Variants in RBBP8 observed in about 807,000 individuals in gnomAD.
The protein encoded by RBBP8 is DNA endonuclease RBBP8.
Under a neutral mutation model 108.3 loss-of-function variants are expected in RBBP8, and 88 were observed. That is an observed-to-expected ratio of 0.81 (90% confidence interval 0.68 to 0.97). The LOEUF (loss-of-function observed/expected upper bound fraction) is 0.97. RBBP8 is among the 50% of genes least tolerant of loss of function. The probability of loss-of-function intolerance (pLI) is 0.00; values close to 1 mark genes in which losing one functional copy is unlikely to be tolerated. For missense variants in RBBP8, 1,023 were observed against 1,049.0 expected (o/e 0.98, Z 0.34); for synonymous variants, 332 against 348.2 (o/e 0.95, Z 0.52).
At chr18:22,929,483 T>TGTGTGG (rs1909917032), upstream of RBBP8, 1 of 7,704 alleles carries the variant, frequency 1.3e-4, no homozygotes, top group Non-Finnish European at 2.3e-4. Context: ...TGTGTGTGTG[T>TGTGTGG]GTGTGTGTGT....
At chr18:22,972,491 G>A (rs1405309814) in intron 5 of RBBP8, among the ~76,000 whole-genome samples, 3 of 145,384 alleles carry the variant, frequency 2.1e-5, no homozygotes, top group African/African-American at 5.1e-5. Flanking sequence ...TCGGCTCACT[G>A]CAACCTCTGT....
chr18:23,007,699 GA>G lies in RBBP8; in HGVS notation c.2357+1283del, dbSNP rs367964120. Among the ~76,000 whole-genome samples the G allele has an allele frequency of 2.6e-3, 296 of 112,482 alleles. 2 individuals carry two copies. The highest frequency in any genetic ancestry group is 6.0e-3 in the African/African-American group (152 of 25,508). The allele number at this position is 112,482 out of a possible 152,430, so 73.8% of individuals were successfully genotyped here. On this transcript the variant is annotated intron_variant, in intron 16 of 18. Coordinates refer to ENST00000327155, the MANE Select transcript of RBBP8 (RefSeq NM_002894.3). ...GGCAACAGAGCGAGACTCCGTCTCA[GA>G]AAAAAAAAAAAAAAAGACTTTAGGT...
At chr18:22,976,350 A>G (rs1179305620) in intron 6 of RBBP8, among the ~76,000 whole-genome samples, 3 of 152,130 alleles carry the variant, frequency 2.0e-5, no homozygotes, top group East Asian at 1.9e-4. Context: ...AACACTTTCT[A>G]ATTTTAATAA....
At chr18:22,997,769 T>G (rs1567989264) in intron 14 of RBBP8, 35 bp downstream of exon 14, 1 of 1,387,266 alleles carries the variant, frequency 7.2e-7, no homozygotes, top group South Asian at 1.2e-5. Context: ...TTTTTTTTAA[T>G]AACGTTGTGT....
At chr18:22,933,873 AC>A (rs1910258000) in intron 1 of RBBP8, 1 of 152,126 alleles carries the variant, frequency 6.6e-6, no homozygotes, top group East Asian at 1.9e-4. Flanking sequence ...TTTTGGCCAG[AC>A]CCGCACGCGG....
At chr18:22,990,738 C>G (rs1915625480) in intron 9 of RBBP8, among the ~76,000 whole-genome samples, 199 bp from the exon 10 acceptor site, 1 of 152,180 alleles carries the variant, frequency 6.6e-6, no homozygotes, top group Admixed American at 6.5e-5. Context: ...CTGGCAACTT[C>G]CAATCTGCTT....
rs2045790077 is a variant in RBBP8, at chr18:22,993,655, T to C, written c.1812+16T>C. The C allele has an allele frequency of 6.2e-7, 1 of 1,614,234 alleles. No individual in the cohort carries two copies. The highest frequency in any genetic ancestry group is 1.3e-5 in the African/African-American group (1 of 75,068). On this transcript the variant is annotated intron_variant, in intron 11 of 18. Coordinates refer to ENST00000327155, the MANE Select transcript of RBBP8 (RefSeq NM_002894.3). ...TGACATAAAGGTTTGTGTTAAATGT[T>C]CAAGGATTTTGATTAAAATGATTGC...
At position 22,949,620 on chromosome 18, in the gene RBBP8, A is replaced by G; in HGVS notation, c.155A>G (p.Asp52Gly). Residue 52 changes from aspartate to glycine, a missense_variant and splice_region_variant, in exon 4 of 19, where the codon GAT (aspartate) becomes GGT (glycine). Coordinates refer to ENST00000327155, the MANE Select transcript of RBBP8 (RefSeq NM_002894.3). ...VTKLKQERIL[D>G]AQRLEEFFTK... ...CTTATTTATTTTTTGACCTTTAGAG[A>G]TGCACAAAGACTAGAAGAATTCTTC... The G allele has an allele frequency of 6.2e-7, 1 of 1,606,820 alleles. No homozygotes were observed. Among genetic ancestry groups the G allele is most frequent in the African/African-American group, 1.3e-5 (1 of 74,848 alleles).
chr18:22,982,364 C>G lies in RBBP8; in HGVS notation c.575C>G (p.Thr192Ser), dbSNP rs1914993438. The G allele has an allele frequency of 6.2e-7, 1 of 1,613,970 alleles. No homozygotes were observed. Among genetic ancestry groups the G allele is most frequent in the Non-Finnish European group, 8.5e-7 (1 of 1,179,994 alleles). ...PHVRYIEQTH[T>S]KLEHSVCANE... is the part of the protein sequence containing the mutation. ...GTCCGATACATAGAACAAACACATA[C>G]TAAATTGGAGCACTCTGTGTGTGCA... The change falls in exon 7 of 19, where the codon ACT (threonine) becomes AGT (serine). Residue 192 changes from threonine (T) to serine (S), a missense_variant. Coordinates refer to ENST00000327155, the MANE Select transcript of RBBP8 (RefSeq NM_002894.3).
intron 14 of RBBP8, among the ~76,000 whole-genome samples, chr18:22,999,647 A>T (rs1395095241): frequency 1.4e-5 from 2 of 138,284 alleles, no homozygotes; most frequent in African/African-American, 5.3e-5. Context: ...AGGTTATATT[A>T]AAAAAAAAAA....
intron 14 of RBBP8, 88 bp downstream of exon 14, chr18:22,997,822 C>CTCT (rs1320523963): frequency 6.6e-6 from 6 of 906,656 alleles, no homozygotes; most frequent in Non-Finnish European, 1.1e-5. Flanking sequence ...CTCAAGTGAC[C>CTCT]TCTTCACCAT....
chr18:22,929,486 G>T (rs1411868117), upstream of RBBP8: 2 of 7,462 alleles, frequency 2.7e-4, no homozygotes, highest in African/African-American at 6.3e-4. Context: ...GTGTGTGTGT[G>T]TGTGTGTGTG....
intron 3 of RBBP8, among the ~76,000 whole-genome samples, chr18:22,919,324 A>G (rs901853376): frequency 6.6e-6 from 1 of 152,220 alleles, no homozygotes; most frequent in African/African-American, 2.4e-5. Context: ...ATTAGAACCA[A>G]CTAATAATCC....
chr18:22,930,493 T>C (rs1414150773), upstream of RBBP8, among the ~76,000 whole-genome samples: 4 of 152,178 alleles, frequency 2.6e-5, no homozygotes, highest in African/African-American at 7.2e-5. Flanking sequence ...GTTAAAGATG[T>C]TTTTTCAGCA....
intron 3 of RBBP8, among the ~76,000 whole-genome samples, chr18:22,926,370 C>A (rs1436003104): frequency 6.6e-6 from 1 of 152,124 alleles, no homozygotes; most frequent in Admixed American, 6.5e-5. Flanking sequence ...TTGCAGTGAG[C>A]CAAGATCGTG....
At chr18:22,957,854 T>A (rs1912723246) in intron 4 of RBBP8, among the ~76,000 whole-genome samples, 1 of 152,222 alleles carries the variant, frequency 6.6e-6, no homozygotes, top group Non-Finnish European at 1.5e-5. Context: ...CTAGGGAATA[T>A]TGCTTCATTT....
intron 7 of RBBP8, among the ~76,000 whole-genome samples, chr18:22,983,178 C>T (rs1203683713): frequency 6.6e-6 from 1 of 152,172 alleles, no homozygotes; most frequent in African/African-American, 2.4e-5. Flanking sequence ...ACAAGTATTA[C>T]TTTTAGTATT....
At chr18:23,024,177 G>A (rs958998452) in intron 18 of RBBP8, among the ~76,000 whole-genome samples, 2 of 149,934 alleles carry the variant, frequency 1.3e-5, no homozygotes, top group Non-Finnish European at 3.0e-5. Flanking sequence ...GAGCCACCAC[G>A]CCCGGCCTGA....
chr18:23,016,997 C>G, intron 17 of RBBP8, 73 bp downstream of exon 17: 1 of 1,110,350 alleles, frequency 9.0e-7, no homozygotes, highest in Non-Finnish European at 1.4e-6. Flanking sequence ...ATTTTAAAAT[C>G]ACGTATACAA....
Sources: allele counts gnomAD v4.1 joint callset (sites outside exome capture counted in the v4.1 genomes callset), GRCh38; gene constraint gnomAD v4.1.1; transcripts MANE v1.5; gene names NCBI Gene and HGNC (gene_info 2026-07-23, HGNC 2026-07-21).